The following COL27A1 variants were observed in gnomAD, a reference collection of about 807,000 sequenced individuals.
COL27A1 encodes collagen alpha-1(XXVII) chain.
A neutral mutation model predicts 251.3 loss-of-function variants in COL27A1; 106 were observed. That is an observed-to-expected ratio of 0.42 (90% CI 0.36 to 0.50). The LOEUF (loss-of-function observed/expected upper bound fraction) is 0.50, where lower values mean the gene tolerates loss of function less well. COL27A1 is among the 20% of genes least tolerant of loss of function. The pLI, the probability that COL27A1 is intolerant of heterozygous loss-of-function variation, is 0.00. For synonymous variants in COL27A1, 1,000 were observed against 986.3 expected (o/e 1.01, Z -0.26); for missense variants, 2,325 against 2,522.8 (o/e 0.92, Z 1.68).
At chr9:114,201,083 C>A (rs1037018920) in intron 7 of COL27A1, among the ~76,000 whole-genome samples, 1 of 152,190 alleles carries the variant, frequency 6.6e-6, no homozygotes, top group African/African-American at 2.4e-5. Flanking sequence ...TTTCTCCTTG[C>A]GCATTGTAAG....
intron 26 of COL27A1, 105 bp downstream of exon 26, chr9:114,252,751 C>T: frequency 7.1e-7 from 1 of 1,410,874 alleles, no homozygotes; most frequent in Non-Finnish European, 1.0e-6. Context: ...GAATGACCAG[C>T]TCCCTCTTTG....
intron 37 of COL27A1, among the ~76,000 whole-genome samples, chr9:114,279,487 C>G (rs1432075935): frequency 6.6e-6 from 1 of 152,114 alleles, no homozygotes; most frequent in Non-Finnish European, 1.5e-5. Flanking sequence ...CATATACAAG[C>G]CACTCCTTTT....
chr9:114,214,388 T>G (rs1746935164), intron 12 of COL27A1, among the ~76,000 whole-genome samples: 1 of 152,210 alleles, frequency 6.6e-6, no homozygotes, highest in Admixed American at 6.5e-5. Context: ...ATGATTTTGC[T>G]GTAGTCAGTC....
chr9:114,240,470 G>A lies in COL27A1; in HGVS notation c.2818G>A (p.Gly940Arg), dbSNP rs1462301755. Reference sequence around the variant, plus strand: ...AGCCCGAGGCCTGCCGGGACCCCGTGGGCAGCTGGGGCCCGAGGTGAGACT... The same window carrying A: ...AGCCCGAGGCCTGCCGGGACCCCGTAGGCAGCTGGGGCCCGAGGTGAGACT... ...PGARGLPGPRGQLGPEGDEGP... is the reference protein window; with the variant it reads ...PGARGLPGPRRQLGPEGDEGP... The change falls in exon 21 of 61, where the codon GGG (glycine) becomes AGG (arginine). Residue 940 changes from glycine (G) to arginine (R), a missense_variant. This residue lies in a region of COL27A1 where 662 missense variants were observed against 795.3 expected (regional missense o/e 0.83). Coordinates refer to ENST00000356083, the MANE Select transcript of COL27A1 (RefSeq NM_032888.4). 1.2e-6 allele frequency: 2 copies of A among 1,611,668 alleles called. No individual in the cohort carries two copies. Among genetic ancestry groups the A allele is most frequent in the South Asian group, 1.1e-5 (1 of 91,048 alleles).
At chr9:114,199,191 A>AT (rs941632616) in intron 7 of COL27A1, among the ~76,000 whole-genome samples, 51 of 152,098 alleles carry the variant, frequency 3.4e-4, no homozygotes, top group African/African-American at 1.2e-3. Flanking sequence ...ACTTGGGGTG[A>AT]TTTTGCCCCC....
intron 4 of COL27A1, among the ~76,000 whole-genome samples, chr9:114,178,803 G>A (rs1002647961): frequency 6.6e-6 from 1 of 152,138 alleles, no homozygotes; most frequent in East Asian, 1.9e-4. Context: ...GAGGCTGGGG[G>A]ACAGCTTGGC....
rs147305160 is a variant in COL27A1, at chr9:114,195,974, C to T, written c.2086C>T (p.Pro696Ser). 2 of 1,613,886 alleles carry T rather than the reference C, an allele frequency of 1.2e-6. No individual in the cohort carries two copies. The highest frequency in any genetic ancestry group is 2.7e-5 in the African/African-American group (2 of 74,904). ...HDGAKGDMGL[P>S]GLSGNPGPPG... The stretch of plus-strand genomic sequence containing the variant: ...TGTCTTCCAGGGTGACATGGGCTTG[C>T]CTGGGCTCTCCGGGAATCCAGGACC... Residue 696 changes from proline (P) to serine (S), a missense_variant, in exon 7 of 61, where the codon CCT (proline) becomes TCT (serine). Physicochemically the swap from Pro to Ser is moderately conservative, Grantham distance 74. Coordinates refer to ENST00000356083, the MANE Select transcript of COL27A1 (RefSeq NM_032888.4).
At chr9:114,275,423 C>T (rs1399100354) in intron 36 of COL27A1, among the ~76,000 whole-genome samples, 1 of 152,188 alleles carries the variant, frequency 6.6e-6, no homozygotes, top group Non-Finnish European at 1.5e-5. Context: ...CAGGCCCAGG[C>T]AGGGACACAT....
intron 7 of COL27A1, among the ~76,000 whole-genome samples, chr9:114,197,652 A>G (rs1192977814): frequency 6.6e-6 from 1 of 152,214 alleles, no homozygotes. Flanking sequence ...GGCTCCTTGC[A>G]TTAAGCAGAT....
intron 1 of COL27A1, among the ~76,000 whole-genome samples, 170 bp from the exon 2 acceptor site, chr9:114,162,545 A>G (rs1343330630): frequency 4.6e-5 from 7 of 152,052 alleles, no homozygotes; most frequent in African/African-American, 1.7e-4. Flanking sequence ...GGCCGGGAAG[A>G]GTGGGCTGCT....
intron 25 of COL27A1, among the ~76,000 whole-genome samples, chr9:114,252,252 C>T (rs1420468957): frequency 6.6e-6 from 1 of 152,190 alleles, no homozygotes; most frequent in African/African-American, 2.4e-5. Flanking sequence ...CAGGGGATGC[C>T]AGGCCTAATA....
intron 22 of COL27A1, 98 bp from the exon 23 acceptor site, chr9:114,243,409 A>C: frequency 4.2e-6 from 4 of 953,856 alleles, no homozygotes; most frequent in Non-Finnish European, 6.7e-6. Context: ...GTGGCTCTCT[A>C]CAGCTGTGGA....
intron 57 of COL27A1, 81 bp downstream of exon 57, chr9:114,304,754 CT>C: frequency 8.1e-7 from 1 of 1,239,794 alleles, no homozygotes; most frequent in Non-Finnish European, 1.2e-6. Context: ...TGGTCAGTGC[CT>C]TCCATGTGGC....
chr9:114,189,424 CTTT>C (rs1828601814), intron 5 of COL27A1, among the ~76,000 whole-genome samples: 1 of 152,234 alleles, frequency 6.6e-6, no homozygotes, highest in Middle Eastern at 3.4e-3. Context: ...CATTTACTAT[CTTT>C]ATTCTGTGTA....
At chr9:114,218,569 A>G (rs1830864461) in intron 12 of COL27A1, 1 of 152,222 alleles carries the variant, frequency 6.6e-6, no homozygotes, top group African/African-American at 2.4e-5. Context: ...GAAGTCTTGC[A>G]TGCAAAGTGA....
At chr9:114,185,667 G>A (rs10982094) in intron 5 of COL27A1, among the ~76,000 whole-genome samples, 35,986 of 152,272 alleles carry the variant, frequency 0.24, 4,391 homozygotes, top group South Asian at 0.31. Flanking sequence ...GCCTCCCCCA[G>A]GGCCTATGCT....
intron 36 of COL27A1, among the ~76,000 whole-genome samples, chr9:114,275,373 G>C (rs1400406059): frequency 6.6e-6 from 1 of 152,150 alleles, no homozygotes; most frequent in Admixed American, 6.5e-5. Context: ...GTGCAGTCAG[G>C]ACCCCGGCTT....
chr9:114,231,932 G>T lies in COL27A1; in HGVS notation c.2565+66G>T, dbSNP rs1039953398. ...ATGCCACCCCCCTCTCCGCCCGGAG[G>T]CTGCTGCTGATTTCTCGCCAGGTCC... On this transcript the variant is annotated intron_variant, in intron 16 of 60. Coordinates refer to ENST00000356083, the MANE Select transcript of COL27A1 (RefSeq NM_032888.4). The T allele has an allele frequency of 2.2e-5, 34 of 1,522,560 alleles. No homozygotes were observed. The African/African-American group carries it at 4.1e-4, about 18-fold the overall frequency. The allele number at this position is 1,522,560 out of a possible 1,614,324, so 94.3% of individuals were successfully genotyped here.
At chr9:114,287,475 T>A (rs1398256487) in intron 41 of COL27A1, among the ~76,000 whole-genome samples, 1 of 152,120 alleles carries the variant, frequency 6.6e-6, no homozygotes. Context: ...GGCCATGGCA[T>A]AAGGACCTCA....
Sources: gnomAD v4.1 joint callset for allele counts (sites outside exome capture counted in the v4.1 genomes callset) on GRCh38, gnomAD v4.1.1 for gene constraint, gnomAD v4.1.1 regional missense constraint, MANE v1.5 for transcripts, NCBI Gene and HGNC (gene_info 2026-07-23, HGNC 2026-07-21) for gene names.